Variants in DOCK1 observed in about 807,000 individuals in gnomAD.
DOCK1 encodes the protein dedicator of cytokinesis protein 1.
In DOCK1, 138 loss-of-function variants were observed where a neutral mutation model predicts 262.7. The observed-to-expected ratio is 0.53, with a 90% CI of 0.46 to 0.61. The LOEUF (loss-of-function observed/expected upper bound fraction) is 0.61. Among genes scored for constraint, DOCK1 ranks in the 20% least tolerant of loss-of-function variants. DOCK1 has a pLI of 0.00. For missense variants in DOCK1, 1,908 were observed against 2,370.7 expected (o/e 0.80, Z 4.05); for synonymous variants, 866 against 867.4 (o/e 1.00, Z 0.03).
chr10:127,015,139 C>T (rs1431283902), intron 12 of DOCK1: 2 of 151,690 alleles, frequency 1.3e-5, no homozygotes, highest in Non-Finnish European at 2.9e-5. Context: ...TCAAACTCTC[C>T]CTCCCATGAT....
chr10:127,080,045 G>C (rs1176559383), intron 23 of DOCK1, among the ~76,000 whole-genome samples: 2 of 152,130 alleles, frequency 1.3e-5, no homozygotes, highest in East Asian at 3.9e-4. Context: ...GGGGTAATTA[G>C]CATAGTGGTT....
intron 23 of DOCK1, among the ~76,000 whole-genome samples, chr10:127,072,122 C>T (rs1230193423): frequency 2.0e-5 from 3 of 152,202 alleles, no homozygotes; most frequent in Admixed American, 6.5e-5. Context: ...ATGCAAGGTG[C>T]CAGTGAGCCC....
At position 127,125,410 on chromosome 10, in the gene DOCK1, A is replaced by G. The variant is rs1592122144; in HGVS notation, c.2624-64A>G. The stretch of plus-strand genomic sequence containing the variant: ...ACTGCTTGAAAGGGCAGACAAGCTT[A>G]TAGCAAACACGAGTTGCGTCTTGGT... On this transcript the variant is annotated intron_variant, in intron 25 of 51. Coordinates refer to ENST00000623213, the MANE Select transcript of DOCK1 (RefSeq NM_001290223.2). 8.7e-6 allele frequency: 14 copies of G among 1,602,182 alleles called. No individual in the cohort carries two copies. In the South Asian group the frequency reaches 1.5e-4, roughly 17 times the overall value.
intron 32 of DOCK1, among the ~76,000 whole-genome samples, chr10:127,361,182 T>C (rs532258109): frequency 4.1e-4 from 61 of 149,396 alleles, no homozygotes; most frequent in Admixed American, 8.0e-4. Context: ...GGCGTGATCT[T>C]GGCTCACTGC....
rs1424055644 is a variant in DOCK1 at position 126,948,399 on chromosome 10, T to C, written c.47-22303T>C. On this transcript the variant is annotated intron_variant, in intron 1 of 51. Coordinates refer to ENST00000623213, the MANE Select transcript of DOCK1 (RefSeq NM_001290223.2). ...TGTTGGTGGTGATGGTGGTGGTTGG[T>C]AGTATTACTGTTGGTGGTGATGGTG... Among the ~76,000 whole-genome samples the C allele has an allele frequency of 7.3e-5, 6 of 82,410 alleles. 2 individuals are homozygous for C. The South Asian group carries it at 1.0e-3, about 14-fold the overall frequency. 54.1% of individuals were successfully genotyped at this position (82,410 alleles called of 152,430 possible).
intron 1 of DOCK1, among the ~76,000 whole-genome samples, chr10:126,949,460 G>T (rs2035983707): frequency 6.6e-6 from 1 of 152,154 alleles, no homozygotes; most frequent in African/African-American, 2.4e-5. Flanking sequence ...AAGTGGGTAG[G>T]TGTGTGAGGG....
At chr10:126,953,471 G>A (rs1439434140) in intron 1 of DOCK1, among the ~76,000 whole-genome samples, 2 of 151,880 alleles carry the variant, frequency 1.3e-5, no homozygotes, top group Admixed American at 1.3e-4. Context: ...CAGTGGAGGT[G>A]GTAGTGGTAG....
At chr10:127,137,983 G>A in intron 27 of DOCK1, 1 of 1,612,974 alleles carries the variant, frequency 6.2e-7, no homozygotes, top group Non-Finnish European at 8.5e-7. Flanking sequence ...AGAACCGGCT[G>A]GAGTTTGTCT....
intron 1 of DOCK1, 120 bp from the exon 2 acceptor site, chr10:126,970,582 A>T: frequency 2.8e-6 from 2 of 702,044 alleles, no homozygotes; most frequent in Admixed American, 4.6e-5. Flanking sequence ...AGGATGATGC[A>T]GGCAGCGACT....
chr10:127,368,007 C>T (rs1049344820), intron 33 of DOCK1, among the ~76,000 whole-genome samples: 2 of 152,190 alleles, frequency 1.3e-5, no homozygotes, highest in Non-Finnish European at 2.9e-5. Flanking sequence ...TCACTGGGCA[C>T]TCTTGTGCCA....
At chr10:127,094,852 G>C (rs906955503) in intron 23 of DOCK1, among the ~76,000 whole-genome samples, 1 of 152,150 alleles carries the variant, frequency 6.6e-6, no homozygotes, top group East Asian at 1.9e-4. Context: ...TGAATTTTAA[G>C]TGTTTTTCAG....
chr10:127,013,900 A>T (rs1373457502), intron 12 of DOCK1, among the ~76,000 whole-genome samples: 2 of 152,226 alleles, frequency 1.3e-5, no homozygotes, highest in Non-Finnish European at 2.9e-5. Flanking sequence ...AGCCACACAG[A>T]TCGGCCGCCG....
chr10:127,436,634 A>T (rs2069706529), intron 48 of DOCK1, among the ~76,000 whole-genome samples: 2 of 63,930 alleles, frequency 3.1e-5, no homozygotes, highest in Admixed American at 3.6e-4. Context: ...TTTTTTTTTC[A>T]ATCTGTATCA....
rs771732497 is a variant in DOCK1 at position 127,389,050 on chromosome 10, C to T, written c.3927+4141C>T. Among the ~76,000 whole-genome samples, 6 of 152,210 alleles carry T rather than the reference C, an allele frequency of 3.9e-5. No individual in the cohort carries two copies. The East Asian group carries it at 7.7e-4, about 20-fold the overall frequency. On this transcript the variant is annotated intron_variant, in intron 38 of 51. Transcript: ENST00000623213. ...ATAAAACTTGTTGGGCCTCAATCCT[C>T]GTTTCTCTGTCGTGGAGTTTCCTTC... is the stretch of plus-strand genomic sequence containing the variant.
At chr10:127,216,518 G>A (rs1469999016) in intron 27 of DOCK1, among the ~76,000 whole-genome samples, 1 of 152,068 alleles carries the variant, frequency 6.6e-6, no homozygotes, top group Non-Finnish European at 1.5e-5. Context: ...TGTTCTTGAT[G>A]CGTGTGCCTT....
chr10:127,362,326 C>A, intron 33 of DOCK1, 114 bp downstream of exon 33: 1 of 1,181,102 alleles, frequency 8.5e-7, no homozygotes, highest in Non-Finnish European at 1.1e-6. Flanking sequence ...GTGGAAAACA[C>A]ATTTTCCTAC....
At chr10:127,069,881 C>T (rs989554366) in intron 23 of DOCK1, among the ~76,000 whole-genome samples, 3 of 152,184 alleles carry the variant, frequency 2.0e-5, no homozygotes, top group Non-Finnish European at 4.4e-5. Context: ...ATACTACAAA[C>T]TTGGTAGCTT....
At chr10:127,418,576 T>C in intron 45 of DOCK1, 35 bp downstream of exon 45, 1 of 1,592,838 alleles carries the variant, frequency 6.3e-7, no homozygotes, top group Non-Finnish European at 8.5e-7. Flanking sequence ...GGGCAAGCAG[T>C]CCTGCCCGGG....
chr10:127,265,062 A>G (rs2135108000), intron 29 of DOCK1, among the ~76,000 whole-genome samples: 1 of 152,368 alleles, frequency 6.6e-6, no homozygotes, highest in South Asian at 2.1e-4. Context: ...TAGAAAACAG[A>G]AGAGATTATT....
Sources: gnomAD v4.1 joint callset for allele counts (sites outside exome capture counted in the v4.1 genomes callset) on GRCh38, gnomAD v4.1.1 for gene constraint, MANE v1.5 for transcripts, NCBI Gene and HGNC (gene_info 2026-07-23, HGNC 2026-07-21) for gene names.